The following LRRC15 variants were observed in gnomAD, a reference collection of about 807,000 sequenced individuals.
The protein encoded by LRRC15 is leucine rich repeat containing 15.
In LRRC15, 5 loss-of-function variants were observed where a neutral mutation model predicts 4.3. That is an observed-to-expected ratio of 1.16 (90% CI 0.61 to 2.44). LRRC15 has a LOEUF of 2.44. Ranked by LOEUF, LRRC15 falls within the 30% of genes most tolerant of loss-of-function variation. LRRC15 has a pLI of 0.01. For synonymous variants in LRRC15, 337 were observed against 323.2 expected (o/e 1.04, Z -0.46); for missense variants, 769 against 747.0 (o/e 1.03, Z -0.34).
chr3:194,366,363 G>C (rs1017826039), intron 1 of LRRC15, among the ~76,000 whole-genome samples: 1 of 152,258 alleles, frequency 6.6e-6, no homozygotes, highest in Non-Finnish European at 1.5e-5. Context: ...TGTGACGATT[G>C]TTATTTTTGT....
chr3:194,362,394 A>T (rs905780754), intron 1 of LRRC15, among the ~76,000 whole-genome samples: 1 of 152,170 alleles, frequency 6.6e-6, no homozygotes, highest in African/African-American at 2.4e-5. Context: ...GCTTATCCAC[A>T]GCATGGACCC....
In LRRC15 at chr3:194,360,540, G is replaced by T. The variant is rs1412073195; in HGVS notation, c.504C>A (p.Ala168=). ...GNHLEYIPDG[A]FDHLVGLTKL... is the part of the protein sequence containing the mutation. ...TCGTGAGTCCTACCAGGTGGTCGAA[G>T]GCTCCGTCAGGGATGTATTCCAGGT... The change falls in exon 2 of 2, where the codon GCC becomes GCA. Residue 168 remains alanine, a synonymous_variant. Transcript: ENST00000347624. 1 of 1,614,050 alleles carries T rather than the reference G, an allele frequency of 6.2e-7. No homozygotes were observed. The highest frequency in any genetic ancestry group is 8.5e-7 in the Non-Finnish European group (1 of 1,180,048).
At chr3:194,366,290 G>T (rs137964470) in intron 1 of LRRC15, among the ~76,000 whole-genome samples, 1 of 152,248 alleles carries the variant, frequency 6.6e-6, no homozygotes. Context: ...AGGATTAAAC[G>T]AGTTAATGCA....
At chr3:194,366,590 C>T (rs1713785755) in intron 1 of LRRC15, among the ~76,000 whole-genome samples, 1 of 152,166 alleles carries the variant, frequency 6.6e-6, no homozygotes, top group Non-Finnish European at 1.5e-5. Context: ...CGAGAGGACC[C>T]GGGATGGGGG....
At chr3:194,365,596 G>T (rs562290553) in intron 1 of LRRC15, among the ~76,000 whole-genome samples, 60 of 152,188 alleles carry the variant, frequency 3.9e-4, no homozygotes, top group African/African-American at 1.3e-3. Flanking sequence ...CAGTAAAGAC[G>T]TCCAAGGGCC....
At chr3:194,362,284 G>A (rs1178797946) in intron 1 of LRRC15, among the ~76,000 whole-genome samples, 1 of 152,130 alleles carries the variant, frequency 6.6e-6, no homozygotes, top group Non-Finnish European at 1.5e-5. Flanking sequence ...AGAGGGGATG[G>A]TAACTCCCGC....
intron 1 of LRRC15, among the ~76,000 whole-genome samples, chr3:194,362,321 C>T (rs1287340054): frequency 6.6e-6 from 1 of 152,098 alleles, no homozygotes; most frequent in Non-Finnish European, 1.5e-5. Flanking sequence ...TTGTGAGGAG[C>T]GAATGCGGAA....
chr3:194,366,043 G>A (rs971831856), intron 1 of LRRC15, among the ~76,000 whole-genome samples: 1 of 152,222 alleles, frequency 6.6e-6, no homozygotes, highest in African/African-American at 2.4e-5. Flanking sequence ...GGGCTCCCGA[G>A]GAAGATGTCA....
intron 1 of LRRC15, among the ~76,000 whole-genome samples, chr3:194,363,198 C>T (rs1184550541): frequency 1.3e-5 from 2 of 152,114 alleles, no homozygotes; most frequent in Admixed American, 6.6e-5. Context: ...CTCGGTCTCC[C>T]AAAGTGCTGG....
chr3:194,363,340 A>G, intron 1 of LRRC15: 1 of 714,430 alleles, frequency 1.4e-6, no homozygotes, highest in South Asian at 1.5e-5. Flanking sequence ...TGGAAACAAG[A>G]AAGGAAAAAG....
intron 1 of LRRC15, among the ~76,000 whole-genome samples, chr3:194,368,034 C>T (rs922228363): frequency 5.3e-5 from 8 of 152,172 alleles, no homozygotes; most frequent in Non-Finnish European, 7.3e-5. Context: ...ACAGCAGCCA[C>T]GGGCTACAAA....
chr3:194,363,369 A>C (rs1227671074), intron 1 of LRRC15: 1 of 715,126 alleles, frequency 1.4e-6, no homozygotes, highest in South Asian at 1.5e-5. Context: ...GTCCAAAGGC[A>C]TCTAGATGCA....
In LRRC15 at chr3:194,366,409, C is replaced by A. The variant is rs191109740; in HGVS notation, c.-4+3252G>T. Among the ~76,000 whole-genome samples, 47 of 152,280 alleles carry A rather than the reference C, an allele frequency of 3.1e-4. 1 individual carries two copies. The East Asian group carries it at 8.1e-3, about 26-fold the overall frequency. ...AAATCAGAATCTCTGGAGACTCCAC[C>A]CGCAGAGATCCTGATCCCTAGGTCT... On this transcript the variant is annotated intron_variant, in intron 1 of 1. Coordinates refer to ENST00000347624, the MANE Select transcript of LRRC15 (RefSeq NM_130830.5).
chr3:194,357,709 C>T lies in LRRC15; in HGVS notation c.*1589G>A, dbSNP rs950800343. The T allele has an allele frequency of 3.9e-5, 6 of 152,102 alleles. No homozygotes were observed. In the East Asian group the frequency reaches 1.2e-3, roughly 29 times the overall value. 9.4% of individuals were successfully genotyped at this position (152,102 alleles called of 1,614,324 possible). ...CCAGTGTGACCCATCGGTGTACCCCCGTGTCGCCTGCTGTAAGTGAGATTC... is the reference window on the plus strand; with the variant it reads ...CCAGTGTGACCCATCGGTGTACCCCTGTGTCGCCTGCTGTAAGTGAGATTC... On this transcript the variant is annotated 3_prime_UTR_variant, in exon 2 of 2. Coordinates refer to ENST00000347624, the MANE Select transcript of LRRC15 (RefSeq NM_130830.5).
rs567396412 is a variant in LRRC15, at chr3:194,362,520, C to T, written c.-3-1474G>A. Among the ~76,000 whole-genome samples, 11 of 152,252 alleles carry T rather than the reference C, an allele frequency of 7.2e-5. No homozygotes were observed. In the South Asian group the frequency reaches 1.9e-3, roughly 26 times the overall value. On this transcript the variant is annotated intron_variant, in intron 1 of 1. Coordinates refer to ENST00000347624, the MANE Select transcript of LRRC15 (RefSeq NM_130830.5). Reference sequence around the variant, plus strand: ...GTATCCGCAACTTCCACCAAAGGTTCAAAGGTCCAAACTCCTGGAAGATGC... The same window carrying T: ...GTATCCGCAACTTCCACCAAAGGTTTAAAGGTCCAAACTCCTGGAAGATGC...
Position 194,359,940 on chromosome 3 carries a change from C to T in LRRC15, c.1104G>A (p.Gln368=), listed in dbSNP as rs142253982. The T allele has an allele frequency of 1.6e-4, 258 of 1,614,112 alleles. 2 individuals carry two copies. The highest frequency in any genetic ancestry group is 1.8e-4 in the Non-Finnish European group (209 of 1,180,054). The change falls in exon 2 of 2, where the codon CAG becomes CAA. Residue 368 remains glutamine, a synonymous_variant. Transcript: ENST00000347624. ...GNVFRMLANL[Q]NISLQNNRLR... is the part of the protein sequence containing the mutation. ...GGCGGTTGTTCTGCAGGGAGATGTT[C>T]TGCAGGTTGGCCAACATGCGGAAGA...
At chr3:194,368,182 C>T (rs6789147) in intron 1 of LRRC15, among the ~76,000 whole-genome samples, 91,948 of 152,116 alleles carry the variant, frequency 0.6, 28,957 homozygotes, top group East Asian at 0.92. Context: ...GCAGCAGTGA[C>T]TCCTTCGTGG....
In LRRC15 at chr3:194,355,991, T is replaced by C. The variant is rs1194305721; in HGVS notation, c.*3307A>G. ...TATATGGTACCAAGTGAGGTTCTGA[T>C]GACCAAGACTAAGGAGAGCAACAGG... On this transcript the variant is annotated 3_prime_UTR_variant, in exon 2 of 2. Transcript: ENST00000347624. 6.6e-6 allele frequency: 1 copy of C among 152,222 alleles called. No individual in the cohort carries two copies. Among genetic ancestry groups the C allele is most frequent in the Non-Finnish European group, 1.5e-5 (1 of 68,038 alleles). 9.4% of individuals were successfully genotyped at this position (152,222 alleles called of 1,614,324 possible).
Position 194,359,143 on chromosome 3 carries a change from A to G in LRRC15, c.*155T>C. The G allele has an allele frequency of 1.5e-6, 1 of 661,506 alleles. No individual in the cohort carries two copies. Among genetic ancestry groups the G allele is most frequent in the East Asian group, 2.8e-5 (1 of 35,956 alleles). 41.0% of individuals were successfully genotyped at this position (661,506 alleles called of 1,614,324 possible). On this transcript the variant is annotated 3_prime_UTR_variant, in exon 2 of 2. Coordinates refer to ENST00000347624, the MANE Select transcript of LRRC15 (RefSeq NM_130830.5). ...GGCACGACCTGCTTCTCTACGGGAG[A>G]ATCAGGCAAGTCAGGAAGAGGTAGG... is the stretch of plus-strand genomic sequence containing the variant.
Sources: gnomAD v4.1 joint callset for allele counts (sites outside exome capture counted in the v4.1 genomes callset) on GRCh38, gnomAD v4.1.1 for gene constraint, MANE v1.5 for transcripts, NCBI Gene and HGNC (gene_info 2026-07-23, HGNC 2026-07-21) for gene names.